PCDH9: variants seen among roughly 807,000 people sequenced by gnomAD.
PCDH9 encodes the protein protocadherin-9.
Under a neutral mutation model 70.6 loss-of-function variants are expected in PCDH9, and 24 were observed. That is an observed-to-expected ratio of 0.34 (90% CI 0.25 to 0.48). The LOEUF is 0.48. PCDH9 is among the 20% of genes least tolerant of loss of function. PCDH9 has a pLI of 0.99. For synonymous variants in PCDH9, 562 were observed against 558.5 expected, an observed-to-expected ratio of 1.01 and a Z score of -0.09; for missense variants, 1,281 against 1,503.6, an observed-to-expected ratio of 0.85 and a Z score of 2.45.
rs61448207 is a variant in PCDH9 at position 66,860,838 on chromosome 13, G to A, written c.3138+42666C>T. ...TGAAAGAAGCAGTTTGGCATTTCCAGGGGAAAGGTCATTTCTTTACACCTC... is the reference window on the plus strand; with the variant it reads ...TGAAAGAAGCAGTTTGGCATTTCCAAGGGAAAGGTCATTTCTTTACACCTC... On this transcript the variant is annotated intron_variant, in intron 3 of 4. Coordinates refer to ENST00000377865, the MANE Select transcript of PCDH9 (RefSeq NM_203487.3). Among the ~76,000 whole-genome samples, 1,212 of 152,266 alleles carry A rather than the reference G, an allele frequency of 8.0e-3. 12 individuals carry two copies. The highest frequency in any genetic ancestry group is 0.027 in the African/African-American group (1,131 of 41,544).
At position 67,177,352 on chromosome 13, in the gene PCDH9, C is replaced by A. The variant is rs146249943; in HGVS notation, c.3036+48053G>T. On this transcript the variant is annotated intron_variant, in intron 2 of 4. Coordinates refer to ENST00000377865, the MANE Select transcript of PCDH9 (RefSeq NM_203487.3). The stretch of plus-strand genomic sequence containing the variant: ...TTGAAAAAACTCTTTGTTCCTTCTC[C>A]ATTTCTTTCACTCCAATTTTCTGTT... Among the ~76,000 whole-genome samples, 487 of 152,188 alleles carry A rather than the reference C, an allele frequency of 3.2e-3. 9 individuals carry two copies. The highest frequency in any genetic ancestry group is 1.9e-3 in the East Asian group (10 of 5,178).
chr13:66,958,470 A>G (rs531691317), intron 2 of PCDH9, among the ~76,000 whole-genome samples: 1 of 152,328 alleles, frequency 6.6e-6, no homozygotes, highest in African/African-American at 2.4e-5. Flanking sequence ...AATAAACAGA[A>G]TAGAGAAAGA....
At chr13:66,928,705 G>A (rs2082755965) in intron 2 of PCDH9, among the ~76,000 whole-genome samples, 1 of 152,082 alleles carries the variant, frequency 6.6e-6, no homozygotes, top group Admixed American at 6.6e-5. Flanking sequence ...TCTGATCTAG[G>A]AAGCAGGCCC....
chr13:66,548,898 TA>T (rs1182494831), intron 4 of PCDH9, among the ~76,000 whole-genome samples: 1 of 152,126 alleles, frequency 6.6e-6, no homozygotes, highest in Non-Finnish European at 1.5e-5. Context: ...TGTTTTTTAT[TA>T]AAACATTATA....
chr13:66,314,244 G>T (rs1228253871), intron 4 of PCDH9, among the ~76,000 whole-genome samples: 1 of 152,178 alleles, frequency 6.6e-6, no homozygotes, highest in Non-Finnish European at 1.5e-5. Context: ...TTTCCCAGTG[G>T]TCTAAACTAA....
intron 4 of PCDH9, among the ~76,000 whole-genome samples, chr13:66,410,991 CT>C (rs1251915911): frequency 6.6e-6 from 1 of 152,186 alleles, no homozygotes; most frequent in Non-Finnish European, 1.5e-5. Context: ...ACACTTGCTT[CT>C]GTTATTCCTC....
intron 3 of PCDH9, among the ~76,000 whole-genome samples, chr13:66,891,824 T>G (rs979061625): frequency 6.6e-6 from 1 of 152,142 alleles, no homozygotes; most frequent in East Asian, 1.9e-4. Context: ...CCATTTTTTT[T>G]TTGTTTTGTT....
intron 4 of PCDH9, among the ~76,000 whole-genome samples, chr13:66,444,766 G>A (rs1958039657): frequency 1.3e-5 from 2 of 151,854 alleles, no homozygotes; most frequent in Admixed American, 1.3e-4. Flanking sequence ...TCACCATGTT[G>A]GCCAGGCTGT....
At chr13:67,028,614 A>C (rs557874135) in intron 2 of PCDH9, among the ~76,000 whole-genome samples, 26 of 152,144 alleles carry the variant, frequency 1.7e-4, no homozygotes, top group African/African-American at 6.3e-4. Context: ...CATCAAGAAA[A>C]CAAAAAATAA....
chr13:66,394,913 T>G (rs899663437), intron 4 of PCDH9, among the ~76,000 whole-genome samples: 3 of 152,138 alleles, frequency 2.0e-5, no homozygotes, highest in African/African-American at 7.2e-5. Context: ...AACAAATTAT[T>G]GTGATGTATA....
chr13:66,955,444 C>T (rs189640311), intron 2 of PCDH9, among the ~76,000 whole-genome samples: 46 of 152,280 alleles, frequency 3.0e-4, no homozygotes, highest in Admixed American at 7.2e-4. Context: ...GGTTATCAAG[C>T]ACATATAATG....
At chr13:66,965,961 T>C (rs1309007232) in intron 2 of PCDH9, among the ~76,000 whole-genome samples, 1 of 152,158 alleles carries the variant, frequency 6.6e-6, no homozygotes, top group Non-Finnish European at 1.5e-5. Context: ...AAGAATACTT[T>C]ACATTTTCAA....
chr13:67,220,123 A>G (rs1205175812), intron 2 of PCDH9: 2 of 151,812 alleles, frequency 1.3e-5, no homozygotes, highest in Non-Finnish European at 2.9e-5. Context: ...CATTTGGTGG[A>G]TTTCTGAATT....
chr13:67,134,826 C>T (rs1003238357), intron 2 of PCDH9, among the ~76,000 whole-genome samples: 5 of 151,984 alleles, frequency 3.3e-5, no homozygotes, highest in Non-Finnish European at 7.4e-5. Flanking sequence ...GTTTAAACTC[C>T]TTGACTCGCC....
At position 66,793,884 on chromosome 13, in the gene PCDH9, C is replaced by T. The variant is rs185460192; in HGVS notation, c.3138+109620G>A. 3.9e-5 allele frequency among the ~76,000 whole-genome samples: 6 copies of T among 152,128 alleles called. No individual in the cohort carries two copies. The East Asian group carries it at 7.7e-4, about 20-fold the overall frequency. On this transcript the variant is annotated intron_variant, in intron 3 of 4. Transcript: ENST00000377865. ...TTTTAAAACAAGTAATCTGTTGAAA[C>T]GATAATGGAATTTAAAGTAAGTACA...
chr13:67,056,060 T>C (rs1244622152), intron 2 of PCDH9, among the ~76,000 whole-genome samples: 1 of 152,180 alleles, frequency 6.6e-6, no homozygotes, highest in Non-Finnish European at 1.5e-5. Flanking sequence ...ATAGATTTGC[T>C]AAAATGAAAT....
chr13:67,032,609 G>T (rs1422788869), intron 2 of PCDH9, among the ~76,000 whole-genome samples: 1 of 152,010 alleles, frequency 6.6e-6, no homozygotes, highest in Non-Finnish European at 1.5e-5. Context: ...GCAAAACCAG[G>T]GTGTTTTTAT....
intron 2 of PCDH9, among the ~76,000 whole-genome samples, chr13:67,182,033 C>T (rs998437121): frequency 2.1e-4 from 32 of 152,152 alleles, no homozygotes; most frequent in African/African-American, 6.8e-4. Flanking sequence ...GTGGGCATGG[C>T]TCAAGGCTCT....
intron 4 of PCDH9, among the ~76,000 whole-genome samples, chr13:66,582,937 T>C (rs1473548947): frequency 6.6e-6 from 1 of 152,094 alleles, no homozygotes; most frequent in African/African-American, 2.4e-5. Flanking sequence ...CTCTATTTAC[T>C]CTCCACCCAA....
Sources: gnomAD v4.1 joint callset for allele counts (sites outside exome capture counted in the v4.1 genomes callset) on GRCh38, gnomAD v4.1.1 for gene constraint, MANE v1.5 for transcripts, NCBI Gene and HGNC (gene_info 2026-07-23, HGNC 2026-07-21) for gene names.